Variants in SFMBT2 observed in about 807,000 individuals in gnomAD.
SFMBT2 encodes the protein Scm like with four mbt domains 2, also known as scm-like with four MBT domains protein 2.
A neutral mutation model predicts 110.1 loss-of-function variants in SFMBT2; 38 were observed. The ratio of observed to expected loss-of-function variants is 0.35; its 90% CI spans 0.27 to 0.45. The LOEUF (loss-of-function observed/expected upper bound fraction) is 0.45. Ranked by LOEUF, SFMBT2 falls within the 20% of genes least tolerant of loss-of-function variation. SFMBT2 has a pLI of 1.00. For synonymous variants in SFMBT2, 425 were observed against 425.4 expected (o/e 1.00, Z 0.01); for missense variants, 1,011 against 1,094.9 (o/e 0.92, Z 1.08).
intron 4 of SFMBT2, among the ~76,000 whole-genome samples, chr10:7,355,674 G>A (rs11598630): frequency 2.0e-5 from 3 of 152,150 alleles, no homozygotes; most frequent in South Asian, 4.1e-4. Context: ...TTAGCTGGGC[G>A]TGGTGGCGGG....
intron 9 of SFMBT2, among the ~76,000 whole-genome samples, chr10:7,230,660 C>T (rs566910661): frequency 1.1e-4 from 16 of 152,246 alleles, no homozygotes; most frequent in East Asian, 1.9e-4. Context: ...CGTCTGGGTG[C>T]GGTGGCTCAC....
chr10:7,206,348 T>C (rs1839137358), intron 11 of SFMBT2: 1 of 985,360 alleles, frequency 1.0e-6, no homozygotes, highest in African/African-American at 1.7e-5. Context: ...AGGGCCCACA[T>C]CTAAGCCTTC....
At chr10:7,347,594 C>A (rs1334855688) in intron 4 of SFMBT2, among the ~76,000 whole-genome samples, 3 of 152,124 alleles carry the variant, frequency 2.0e-5, no homozygotes, top group Non-Finnish European at 4.4e-5. Flanking sequence ...ACTTAAAAAT[C>A]TTTATAGTGT....
intron 9 of SFMBT2, among the ~76,000 whole-genome samples, chr10:7,228,789 CCTCTCT>C (rs71382094): frequency 0.25 from 27,075 of 108,556 alleles, 4,097 homozygotes; most frequent in Middle Eastern, 0.43. Context: ...TCTCCCCCTC[CCTCTCT>C]CTCTCTCTTT....
chr10:7,180,107 C>G (rs1436485255), intron 16 of SFMBT2, among the ~76,000 whole-genome samples: 1 of 146,418 alleles, frequency 6.8e-6, no homozygotes, highest in Non-Finnish European at 1.5e-5. Flanking sequence ...AGTTGTGGCC[C>G]TTTTATTTAG....
chr10:7,350,583 G>A (rs901066554), intron 4 of SFMBT2, among the ~76,000 whole-genome samples: 5 of 152,164 alleles, frequency 3.3e-5, no homozygotes, highest in Admixed American at 1.3e-4. Flanking sequence ...TTTAATTTTT[G>A]TGTAGCTTGT....
Position 7,408,403 on chromosome 10 carries a change from T to C in SFMBT2, c.-52+2458A>G, listed in dbSNP as rs960473833. On this transcript the variant is annotated intron_variant, in intron 1 of 20. Coordinates refer to ENST00000397167, the MANE Select transcript of SFMBT2 (RefSeq NM_001387889.1). This position sits in a 1 kb window ranked among gnomAD's most constrained non-coding sequence, Gnocchi z 5.7. ...TGACAGCACGGCGTCCGAGTGACCC[T>C]GTCTAGCCTCGTTCTGCGCTCCTGC... is the stretch of plus-strand genomic sequence containing the variant. Among the ~76,000 whole-genome samples, 1 of 152,232 alleles carries C rather than the reference T, an allele frequency of 6.6e-6. No individual in the cohort carries two copies. The highest frequency in any genetic ancestry group is 1.9e-4 in the East Asian group (1 of 5,192).
intron 7 of SFMBT2, among the ~76,000 whole-genome samples, chr10:7,269,812 T>G (rs1841522682): frequency 7.8e-6 from 1 of 128,706 alleles, no homozygotes; most frequent in African/African-American, 2.8e-5. Flanking sequence ...TCTAAAAACT[T>G]GAGAGAAGAT....
At chr10:7,401,615 C>T (rs527666231) in intron 1 of SFMBT2, among the ~76,000 whole-genome samples, 1 of 152,332 alleles carries the variant, frequency 6.6e-6, no homozygotes, top group South Asian at 2.1e-4. Context: ...TATTCATGAA[C>T]TCTGCCCTCT....
At chr10:7,222,722 T>C (rs1839783220) in intron 10 of SFMBT2, among the ~76,000 whole-genome samples, 1 of 151,808 alleles carries the variant, frequency 6.6e-6, no homozygotes, top group Non-Finnish European at 1.5e-5. Context: ...CAGGCTTGAG[T>C]ATAGTGGCAT....
At chr10:7,257,321 C>T (rs1841049700) in intron 7 of SFMBT2, among the ~76,000 whole-genome samples, 1 of 152,136 alleles carries the variant, frequency 6.6e-6, no homozygotes, top group Non-Finnish European at 1.5e-5. Context: ...TCACTACCCA[C>T]GGTCACCCAC....
In SFMBT2 at chr10:7,160,335, C is replaced by G. The variant is rs897278553; in HGVS notation, c.*3435G>C. ...TTTTTCAACATAGTACAAATACAGT[C>G]AAGAAGTGAGGAGCTGAAACAAGCT... On this transcript the variant is annotated 3_prime_UTR_variant, in exon 21 of 21. Transcript: ENST00000397167. 3.2e-4 allele frequency: 48 copies of G among 152,136 alleles called. No homozygotes were observed. The highest frequency in any genetic ancestry group is 1.1e-3 in the African/African-American group (47 of 41,420). The allele number at this position is 152,136 out of a possible 1,614,324, so 9.4% of individuals were successfully genotyped here.
At chr10:7,264,318 AG>A (rs1277570621) in intron 7 of SFMBT2, 6 of 186,732 alleles carry the variant, frequency 3.2e-5, no homozygotes, top group Admixed American at 6.5e-5. Context: ...ACGGATTTCC[AG>A]GGTGCCTTTT....
intron 1 of SFMBT2, among the ~76,000 whole-genome samples, chr10:7,385,739 C>T (rs1315019074): frequency 6.6e-6 from 1 of 152,216 alleles, no homozygotes; most frequent in Non-Finnish European, 1.5e-5. Context: ...GTGGCTCACG[C>T]CTGTAATCCC....
At chr10:7,184,448 C>T (rs190693364) in intron 16 of SFMBT2, among the ~76,000 whole-genome samples, 3 of 152,272 alleles carry the variant, frequency 2.0e-5, no homozygotes, top group East Asian at 3.9e-4. Flanking sequence ...GATTATGAGG[C>T]CTCCCCAGCC....
intron 1 of SFMBT2, among the ~76,000 whole-genome samples, chr10:7,407,665 C>G (rs953594641): frequency 8.5e-5 from 13 of 152,330 alleles, no homozygotes; most frequent in African/African-American, 2.4e-4. Context: ...TTCTTGGAAT[C>G]CCACCCAACT....
chr10:7,286,341 C>T (rs999343397), intron 4 of SFMBT2: 45 of 925,038 alleles, frequency 4.9e-5, no homozygotes, highest in Admixed American at 1.2e-4. Context: ...AACCAGGCCC[C>T]GAATTACATG....
rs77132722 is a variant in SFMBT2, at chr10:7,317,321, A to G, written c.437-31367T>C. On this transcript the variant is annotated intron_variant, in intron 4 of 20. Transcript: ENST00000397167. ...ACAGAATTTAAGATCCTTATTTTTA[A>G]TAAAAGCATCTGCTCTCAATTCCAA... Among the ~76,000 whole-genome samples, 930 of 152,298 alleles carry G rather than the reference A, an allele frequency of 6.1e-3. 13 individuals are homozygous for G. The highest frequency in any genetic ancestry group is 0.021 in the African/African-American group (873 of 41,562).
At chr10:7,229,518 C>T (rs1840048491) in intron 9 of SFMBT2, among the ~76,000 whole-genome samples, 1 of 146,648 alleles carries the variant, frequency 6.8e-6, no homozygotes, top group Admixed American at 6.9e-5. Flanking sequence ...GCAGAGGTTG[C>T]AGTGAGGTGG....
Sources: gnomAD v4.1 joint callset for allele counts (sites outside exome capture counted in the v4.1 genomes callset) on GRCh38, gnomAD v4.1.1 for gene constraint, Gnocchi (gnomAD v3.1) non-coding constraint, MANE v1.5 for transcripts, NCBI Gene and HGNC (gene_info 2026-07-23, HGNC 2026-07-21) for gene names.